The following SUSD4 variants were observed in gnomAD, a reference collection of about 807,000 sequenced individuals.
SUSD4 encodes sushi domain containing 4, also known as sushi domain-containing protein 4.
SUSD4 carries 41 observed loss-of-function variants against 50.5 expected under a neutral mutation model. That is an observed-to-expected ratio of 0.81 (90% CI 0.63 to 1.05). SUSD4 has a LOEUF of 1.05. Among genes scored for constraint, SUSD4 ranks in the 50% least tolerant of loss-of-function variants. The pLI, the probability that SUSD4 is intolerant of heterozygous loss-of-function variation, is 0.00. For synonymous variants in SUSD4, 257 were observed against 257.3 expected (o/e 1.00, Z 0.01); for missense variants, 580 against 634.7 (o/e 0.91, Z 0.93).
At chr1:223,257,149 C>T (rs1661751476) in intron 5 of SUSD4, among the ~76,000 whole-genome samples, 1 of 152,096 alleles carries the variant, frequency 6.6e-6, no homozygotes, top group Non-Finnish European at 1.5e-5. Flanking sequence ...GTGCTTTCTG[C>T]CATGCAGTCA....
At chr1:223,329,179 G>A (rs970148846) in intron 2 of SUSD4, among the ~76,000 whole-genome samples, 1 of 152,114 alleles carries the variant, frequency 6.6e-6, no homozygotes, top group Non-Finnish European at 1.5e-5. Flanking sequence ...ATAAACAAGA[G>A]GGAGAATGGG....
chr1:223,236,769 T>G, intron 5 of SUSD4, among the ~76,000 whole-genome samples: 1 of 152,106 alleles, frequency 6.6e-6, no homozygotes, highest in Non-Finnish European at 1.5e-5. Context: ...TTATGATAAG[T>G]CTTGAGGTCA....
chr1:223,327,781 T>C (rs903263319), intron 2 of SUSD4, among the ~76,000 whole-genome samples: 7 of 152,224 alleles, frequency 4.6e-5, no homozygotes, highest in Non-Finnish European at 8.8e-5. Flanking sequence ...CCAGGTGCCA[T>C]CTGCCTAACC....
intron 5 of SUSD4, among the ~76,000 whole-genome samples, chr1:223,254,284 A>G (rs902941866): frequency 4.6e-5 from 7 of 152,154 alleles, no homozygotes; most frequent in Non-Finnish European, 8.8e-5. Context: ...GTTCAAACCA[A>G]TGAAGCTGTC....
intron 3 of SUSD4, among the ~76,000 whole-genome samples, chr1:223,278,609 G>A (rs1030373978): frequency 6.6e-6 from 1 of 152,246 alleles, no homozygotes; most frequent in Non-Finnish European, 1.5e-5. Flanking sequence ...AAGGAGGCCT[G>A]CCTGCCTCTG....
intron 2 of SUSD4, among the ~76,000 whole-genome samples, chr1:223,293,446 A>C (rs1469921702): frequency 6.6e-6 from 1 of 152,176 alleles, no homozygotes; most frequent in Non-Finnish European, 1.5e-5. Flanking sequence ...CCATCCTGAC[A>C]TCCCCAGAAT....
chr1:223,297,563 C>T (rs530211612), intron 2 of SUSD4, among the ~76,000 whole-genome samples: 50 of 152,276 alleles, frequency 3.3e-4, no homozygotes, highest in South Asian at 8.3e-4. Context: ...CCTCTACCAA[C>T]GGAAAGTTTT....
chr1:223,244,578 T>C (rs1171751870), intron 5 of SUSD4, among the ~76,000 whole-genome samples: 1 of 151,454 alleles, frequency 6.6e-6, no homozygotes, highest in Non-Finnish European at 1.5e-5. Flanking sequence ...GTGTAGATAA[T>C]GCAGGGACCC....
chr1:223,356,739 A>G (rs1318031638), intron 2 of SUSD4, among the ~76,000 whole-genome samples: 1 of 152,180 alleles, frequency 6.6e-6, no homozygotes, highest in Middle Eastern at 3.2e-3. Flanking sequence ...GCTTTGTCTG[A>G]TATTTGTGGA....
chr1:223,288,316 G>A lies in SUSD4; in HGVS notation c.361+4123C>T, dbSNP rs575300344. 1.4e-3 allele frequency among the ~76,000 whole-genome samples: 216 copies of A among 152,178 alleles called. 1 individual carries two copies. The highest frequency in any genetic ancestry group is 2.7e-3 in the Non-Finnish European group (181 of 68,004). ...GTATGCCGTACTTTGCTTCCCCTTCGCCTTCTGCCATGAGTGTAAGTTTCC... is the reference window on the plus strand; with the variant it reads ...GTATGCCGTACTTTGCTTCCCCTTCACCTTCTGCCATGAGTGTAAGTTTCC... On this transcript the variant is annotated intron_variant, in intron 3 of 8. Coordinates refer to ENST00000366878, the MANE Select transcript of SUSD4 (RefSeq NM_017982.4).
intron 5 of SUSD4, among the ~76,000 whole-genome samples, chr1:223,248,271 G>C (rs978738944): frequency 3.3e-5 from 5 of 152,186 alleles, no homozygotes; most frequent in African/African-American, 1.2e-4. Context: ...GAGTGCAAAG[G>C]CATCGCATCA....
Position 223,223,346 on chromosome 1 carries a change from G to C in SUSD4, c.1347C>G (p.Cys449Trp), listed in dbSNP as rs776617273. 9.9e-6 allele frequency: 16 copies of C among 1,612,296 alleles called. No homozygotes were observed. The South Asian group carries it at 1.7e-4, about 17-fold the overall frequency. ...CCGAAGCAGGGTGGGTGCTCTCTTG[G>C]CACCTGGGAGGTGAATACAGACTTT... ...LLQSLYSPPR[C>W]QESTHPASDN... Residue 449 changes from cysteine to tryptophan, a missense_variant, in exon 8 of 9, where the codon TGC becomes TGG. Physicochemically the swap from Cys to Trp is radical, Grantham distance 215. Coordinates refer to ENST00000366878, the MANE Select transcript of SUSD4 (RefSeq NM_017982.4).
At chr1:223,338,750 A>G (rs1448171488) in intron 2 of SUSD4, among the ~76,000 whole-genome samples, 2 of 152,210 alleles carry the variant, frequency 1.3e-5, no homozygotes, top group Non-Finnish European at 2.9e-5. Context: ...GATTTGTAGG[A>G]TGAGGCAGAT....
Position 223,264,647 on chromosome 1 carries a change from C to G in SUSD4, c.707G>C (p.Arg236Pro), listed in dbSNP as rs192791335. Residue 236 changes from arginine (R) to proline (P), a missense_variant, in exon 5 of 9, where the codon CGG becomes CCG. Physicochemically the swap from Arg to Pro is moderately radical, Grantham distance 103. Transcript: ENST00000366878. ...TGTGTTACCTTCCAGAGCAAGGCAC[C>G]GGGGTGGGCTGGACGACCAGATAAG... ...QNLIWSSSPP[R>P]CLALEVCPLP... The G allele has an allele frequency of 1.9e-5, 30 of 1,613,776 alleles. No homozygotes were observed. In the Admixed American group the frequency reaches 5.0e-4, roughly 27 times the overall value.
intron 2 of SUSD4, among the ~76,000 whole-genome samples, chr1:223,313,895 T>C (rs1666025572): frequency 6.6e-6 from 1 of 152,068 alleles, no homozygotes; most frequent in African/African-American, 2.4e-5. Context: ...TTACCCCATA[T>C]GGTCTAAAAA....
At chr1:223,241,630 G>A (rs1047749481) in intron 5 of SUSD4, among the ~76,000 whole-genome samples, 18 of 152,154 alleles carry the variant, frequency 1.2e-4, no homozygotes, top group African/African-American at 3.4e-4. Context: ...GGTGACTTCC[G>A]AACTCCTTAC....
chr1:223,319,225 A>G (rs1485475186), intron 2 of SUSD4, among the ~76,000 whole-genome samples: 1 of 114,022 alleles, frequency 8.8e-6, no homozygotes, highest in Non-Finnish European at 1.8e-5. Context: ...AGGCATTACC[A>G]TTCAGGACAT....
At chr1:223,252,236 A>ATATATATATAT (rs1553285715) in intron 5 of SUSD4, among the ~76,000 whole-genome samples, 4 of 89,728 alleles carry the variant, frequency 4.5e-5, no homozygotes, top group African/African-American at 8.1e-5. Flanking sequence ...AAAAAAAAAA[A>ATATATATATAT]ATATATATAT....
upstream of SUSD4, among the ~76,000 whole-genome samples, chr1:223,364,777 C>T (rs1178438237): frequency 6.6e-6 from 1 of 152,052 alleles, no homozygotes; most frequent in Non-Finnish European, 1.5e-5. The surrounding 1 kb of genome is among the most constrained non-coding windows in gnomAD (Gnocchi z 4.5). Flanking sequence ...CCAGAACTCT[C>T]GCCACAGACC....
Sources: gnomAD v4.1 joint callset for allele counts (sites outside exome capture counted in the v4.1 genomes callset) on GRCh38, gnomAD v4.1.1 for gene constraint, Gnocchi (gnomAD v3.1) non-coding constraint, MANE v1.5 for transcripts, NCBI Gene and HGNC (gene_info 2026-07-23, HGNC 2026-07-21) for gene names.